MYBL1: variants seen among roughly 807,000 people sequenced by gnomAD.
MYBL1 encodes MYB proto-oncogene like 1.
In MYBL1, 17 loss-of-function variants were observed where a neutral mutation model predicts 96.3. The ratio of observed to expected loss-of-function variants is 0.18; its 90% CI spans 0.12 to 0.26. MYBL1 has a LOEUF of 0.26. Among genes scored for constraint, MYBL1 ranks in the 10% least tolerant of loss-of-function variants. MYBL1 has a pLI of 1.00. For missense variants in MYBL1, 701 were observed against 882.9 expected (o/e 0.79, Z 2.61); for synonymous variants, 282 against 292.7 (o/e 0.96, Z 0.37).
intron 9 of MYBL1, among the ~76,000 whole-genome samples, chr8:66,578,163 G>C (rs917550931): frequency 2.2e-4 from 33 of 152,100 alleles, no homozygotes; most frequent in African/African-American, 7.7e-4. Flanking sequence ...TCAGGACATA[G>C]GCATGGACAA....
chr8:66,603,178 T>C (rs1363460862), intron 1 of MYBL1, among the ~76,000 whole-genome samples: 1 of 152,192 alleles, frequency 6.6e-6, no homozygotes, highest in Non-Finnish European at 1.5e-5. Flanking sequence ...AAGAGTTAAA[T>C]AATTTTAACA....
intron 14 of MYBL1, 61 bp from the exon 15 acceptor site, chr8:66,566,304 C>G: frequency 3.9e-6 from 4 of 1,028,100 alleles, no homozygotes; most frequent in Non-Finnish European, 5.5e-6. Context: ...AATGGAGGGA[C>G]TACTGAGTAA....
At chr8:66,580,862 T>C (rs969603828) in intron 8 of MYBL1, among the ~76,000 whole-genome samples, 2 of 151,850 alleles carry the variant, frequency 1.3e-5, no homozygotes, top group Non-Finnish European at 2.9e-5. Context: ...GCTCTTCTTT[T>C]TTTTTTTTTT....
At chr8:66,609,688 T>C (rs368725859) in intron 1 of MYBL1, among the ~76,000 whole-genome samples, 5 of 152,100 alleles carry the variant, frequency 3.3e-5, no homozygotes, top group South Asian at 4.1e-4. Context: ...AACAAAAACA[T>C]TGTGAGAAAA....
Position 66,593,106 on chromosome 8 carries a change from T to C in MYBL1, c.762+14A>G, listed in dbSNP as rs778999331. The C allele has an allele frequency of 1.3e-6, 2 of 1,524,298 alleles. No individual in the cohort carries two copies. The highest frequency in any genetic ancestry group is 1.8e-6 in the Non-Finnish European group (2 of 1,121,094). The allele number at this position is 1,524,298 out of a possible 1,614,324, so 94.4% of individuals were successfully genotyped here. A position where few individuals can be genotyped will look rare whatever the true frequency, so the allele number is the denominator to read the frequency against. On this transcript the variant is annotated intron_variant, in intron 7 of 15. Transcript: ENST00000522677. ...AACACATTTCCTTTGGTTTTCGTTA[T>C]AAATAAAAGTTACCTGAATAAAGGC...
At position 66,564,785 on chromosome 8, in the gene MYBL1, T is replaced by C. The variant is rs1269709774; in HGVS notation, c.2171A>G (p.Glu724Gly). 6.3e-7 allele frequency: 1 copy of C among 1,581,628 alleles called. No homozygotes were observed. The highest frequency in any genetic ancestry group is 2.3e-5 in the East Asian group (1 of 44,068). The change falls in exon 16 of 16, where the codon GAA becomes GGA. Residue 724 changes from glutamate (E) to glycine (G), a missense_variant. Glu to Gly is a moderately conservative substitution (Grantham distance 98). This residue lies in a region of MYBL1 where 137 missense variants were observed against 137.5 expected (regional missense o/e 1.00). Coordinates refer to ENST00000522677, the MANE Select transcript of MYBL1 (RefSeq NM_001080416.4). ...EWETVVYGKT[E>G]DQLIMTEQAR... Reference sequence around the variant, plus strand: ...TTGTTCAGTCATAATAAGTTGGTCTTCTGTCTTCCCATAAACCACTGTTTC... The same window carrying C: ...TTGTTCAGTCATAATAAGTTGGTCTCCTGTCTTCCCATAAACCACTGTTTC...
At chr8:66,610,438 T>C (rs940476328) in intron 1 of MYBL1, among the ~76,000 whole-genome samples, 3 of 151,616 alleles carry the variant, frequency 2.0e-5, no homozygotes, top group Admixed American at 2.0e-4. Context: ...ATAGGAAACA[T>C]ATATTACAGG....
At chr8:66,598,027 A>C (rs563260015) in intron 4 of MYBL1, among the ~76,000 whole-genome samples, 2 of 152,234 alleles carry the variant, frequency 1.3e-5, no homozygotes, top group East Asian at 3.9e-4. Flanking sequence ...TTCACCTAAA[A>C]TTGCAAGAAT....
At chr8:66,608,572 C>G (rs780053549) in intron 1 of MYBL1, among the ~76,000 whole-genome samples, 33 of 152,126 alleles carry the variant, frequency 2.2e-4, no homozygotes, top group Admixed American at 8.5e-4. Context: ...GCAAAGAAAA[C>G]AGGGAAAGGA....
intron 1 of MYBL1, among the ~76,000 whole-genome samples, chr8:66,609,801 A>G (rs1810458780): frequency 6.6e-6 from 1 of 151,878 alleles, no homozygotes; most frequent in Admixed American, 6.6e-5. Flanking sequence ...TAAAATCCAA[A>G]CTCTATATAT....
At chr8:66,588,113 G>T (rs1809491775) in intron 8 of MYBL1, among the ~76,000 whole-genome samples, 1 of 151,956 alleles carries the variant, frequency 6.6e-6, no homozygotes, top group Non-Finnish European at 1.5e-5. Context: ...TCAGGAGACA[G>T]CATGGTTTTC....
intron 10 of MYBL1, among the ~76,000 whole-genome samples, chr8:66,575,081 A>G (rs536477071): frequency 2.0e-5 from 3 of 152,318 alleles, no homozygotes; most frequent in Admixed American, 6.5e-5. Flanking sequence ...GCGTTTGGCA[A>G]ACAGCCTGGA....
At chr8:66,591,940 T>G (rs1211176969) in intron 8 of MYBL1, among the ~76,000 whole-genome samples, 1 of 152,090 alleles carries the variant, frequency 6.6e-6, no homozygotes, top group African/African-American at 2.4e-5. Flanking sequence ...CAGAACATTG[T>G]AAATTATGCT....
intron 1 of MYBL1, among the ~76,000 whole-genome samples, chr8:66,606,116 A>G (rs1810303174): frequency 6.6e-6 from 1 of 152,218 alleles, no homozygotes; most frequent in Non-Finnish European, 1.5e-5. Context: ...GATACTAAAG[A>G]CAAACCTCAA....
At chr8:66,602,930 AG>A (rs1810162313) in intron 1 of MYBL1, among the ~76,000 whole-genome samples, 1 of 150,776 alleles carries the variant, frequency 6.6e-6, no homozygotes, top group African/African-American at 2.4e-5. Flanking sequence ...TATTTTTAGT[AG>A]AGGCAGGGTT....
intron 12 of MYBL1, among the ~76,000 whole-genome samples, chr8:66,567,851 C>A (rs1432355140): frequency 6.6e-6 from 1 of 151,882 alleles, no homozygotes; most frequent in Non-Finnish European, 1.5e-5. Context: ...ATCATGAAGT[C>A]AAGAGATCAT....
chr8:66,592,014 CCAGCA>C (rs1809665561), intron 8 of MYBL1, among the ~76,000 whole-genome samples: 1 of 152,060 alleles, frequency 6.6e-6, no homozygotes, highest in African/African-American at 2.4e-5. Context: ...ACCTATAATC[CCAGCA>C]CTTTGGGAGG....
chr8:66,589,539 G>T (rs1809554371), intron 8 of MYBL1, among the ~76,000 whole-genome samples: 1 of 151,810 alleles, frequency 6.6e-6, no homozygotes. Flanking sequence ...GGAGTGCAGG[G>T]GTGTGATAAC....
At chr8:66,587,040 G>C (rs1188950123) in intron 8 of MYBL1, among the ~76,000 whole-genome samples, 2 of 152,102 alleles carry the variant, frequency 1.3e-5, no homozygotes, top group Non-Finnish European at 2.9e-5. Context: ...GGAGAAGAAG[G>C]GGAGCCAAGG....
Sources: gnomAD v4.1 joint callset for allele counts (sites outside exome capture counted in the v4.1 genomes callset) on GRCh38, gnomAD v4.1.1 for gene constraint, gnomAD v4.1.1 regional missense constraint, MANE v1.5 for transcripts, NCBI Gene and HGNC (gene_info 2026-07-23, HGNC 2026-07-21) for gene names.